ASTN2: variants seen among roughly 807,000 people sequenced by gnomAD.
ASTN2 encodes the protein astrotactin-2.
ASTN2 carries 54 observed loss-of-function variants against 139.8 expected under a neutral mutation model. The observed-to-expected ratio is 0.39, with a 90% CI of 0.31 to 0.48. ASTN2 has a LOEUF of 0.48. Ranked by LOEUF, ASTN2 falls within the 20% of genes least tolerant of loss-of-function variation. The probability of loss-of-function intolerance (pLI) is 0.95; values close to 1 mark genes in which losing one functional copy is unlikely to be tolerated. For missense variants in ASTN2, 1,565 were observed against 1,725.1 expected, an observed-to-expected ratio of 0.91 and a Z score of 1.64; for synonymous variants, 756 against 719.5, an observed-to-expected ratio of 1.05 and a Z score of -0.81.
At chr9:116,840,441 C>T (rs1832180966) in intron 11 of ASTN2, among the ~76,000 whole-genome samples, 1 of 149,912 alleles carries the variant, frequency 6.7e-6, no homozygotes, top group Non-Finnish European at 1.5e-5. Context: ...CCTCACTTCC[C>T]AGTAGGCGCG....
intron 3 of ASTN2, among the ~76,000 whole-genome samples, chr9:117,193,763 G>A (rs1427995740): frequency 6.6e-6 from 1 of 151,510 alleles, no homozygotes. Context: ...TCTTGCTTTT[G>A]TTAAAACAAT....
intron 10 of ASTN2, among the ~76,000 whole-genome samples, chr9:116,917,561 T>C (rs1254317076): frequency 6.6e-6 from 1 of 152,220 alleles, no homozygotes; most frequent in Non-Finnish European, 1.5e-5. Flanking sequence ...TTTTTCCTCA[T>C]AACTTGTTAG....
At chr9:117,291,299 C>A in intron 2 of ASTN2, 27 bp downstream of exon 2, 1 of 1,612,924 alleles carries the variant, frequency 6.2e-7, no homozygotes, top group South Asian at 1.1e-5. Context: ...CAATCCCCGA[C>A]CCCGGTCACA....
At chr9:117,155,665 T>C (rs1000813922) in intron 3 of ASTN2, among the ~76,000 whole-genome samples, 2 of 152,052 alleles carry the variant, frequency 1.3e-5, no homozygotes, top group Admixed American at 6.6e-5. Context: ...CTTCTCTGAG[T>C]ATCCTCCTCC....
chr9:117,128,657 T>C (rs1489067114), intron 4 of ASTN2, among the ~76,000 whole-genome samples: 1 of 152,222 alleles, frequency 6.6e-6, no homozygotes, highest in African/African-American at 2.4e-5. Context: ...AACTCCTCCA[T>C]AGTTAGCTTG....
intron 20 of ASTN2, among the ~76,000 whole-genome samples, chr9:116,457,001 G>C (rs1315224018): frequency 6.6e-6 from 1 of 152,060 alleles, no homozygotes; most frequent in African/African-American, 2.4e-5. Flanking sequence ...CATAAAAACA[G>C]ACACATATAT....
intron 19 of ASTN2, among the ~76,000 whole-genome samples, chr9:116,562,735 A>T (rs1477531488): frequency 5.3e-4 from 5 of 9,356 alleles, no homozygotes; most frequent in East Asian, 5.3e-3. Context: ...TGCCTCATTA[A>T]AAAAAAAAAA....
In ASTN2 at chr9:116,703,364, A is replaced by G. The variant is rs571498206; in HGVS notation, c.2806+22407T>C. On this transcript the variant is annotated intron_variant, in intron 16 of 22. Coordinates refer to ENST00000313400, the MANE Select transcript of ASTN2 (RefSeq NM_001365068.1). ...TTGTAAATTTGTTTGAGTTCATTGCAGATTCTGGATATTAGCCCTTTGTCA... is the reference window on the plus strand; with the variant it reads ...TTGTAAATTTGTTTGAGTTCATTGCGGATTCTGGATATTAGCCCTTTGTCA... 7.3e-5 allele frequency among the ~76,000 whole-genome samples: 11 copies of G among 151,312 alleles called. No individual in the cohort carries two copies. In the East Asian group the frequency reaches 1.9e-3, roughly 27 times the overall value.
intron 19 of ASTN2, among the ~76,000 whole-genome samples, chr9:116,522,660 T>C (rs1168767614): frequency 6.6e-6 from 1 of 152,090 alleles, no homozygotes; most frequent in Non-Finnish European, 1.5e-5. Context: ...TAAAACGTAC[T>C]GAAGTAAAAA....
intron 22 of ASTN2, among the ~76,000 whole-genome samples, chr9:116,439,170 ATGT>A (rs1013814174): frequency 7.3e-6 from 1 of 137,862 alleles, no homozygotes; most frequent in African/African-American, 2.6e-5. Flanking sequence ...TTACAAGATG[ATGT>A]TGTGTTTTCT....
intron 10 of ASTN2, among the ~76,000 whole-genome samples, chr9:116,949,018 G>A (rs1835484784): frequency 6.6e-6 from 1 of 151,682 alleles, no homozygotes; most frequent in Admixed American, 6.6e-5. Flanking sequence ...CTCGAACTCT[G>A]GACCTGGTGA....
At chr9:116,927,822 TGTGA>T (rs1233489277) in intron 10 of ASTN2, among the ~76,000 whole-genome samples, 1 of 152,218 alleles carries the variant, frequency 6.6e-6, no homozygotes, top group Non-Finnish European at 1.5e-5. Flanking sequence ...TCTTGGAATA[TGTGA>T]GTAAGTGACT....
intron 1 of ASTN2, among the ~76,000 whole-genome samples, chr9:117,367,187 T>C (rs995426784): frequency 9.2e-5 from 14 of 152,276 alleles, no homozygotes; most frequent in Non-Finnish European, 2.1e-4. Context: ...GTGGCAACAA[T>C]AGTCAACAGA....
Position 116,831,243 on chromosome 9 carries a change from C to T in ASTN2, c.2041-10460G>A, listed in dbSNP as rs186477857. On this transcript the variant is annotated intron_variant, in intron 11 of 22. Transcript: ENST00000313400. ...GAGTATGAGGGTTGACAAAGTACTA[C>T]TGATTGGGTACAACGTTCACTATTC... Among the ~76,000 whole-genome samples, 9 of 151,066 alleles carry T rather than the reference C, an allele frequency of 6.0e-5. No homozygotes were observed. In the South Asian group the frequency reaches 1.0e-3, roughly 18 times the overall value.
At chr9:117,313,238 A>G (rs1452989631) in intron 1 of ASTN2, among the ~76,000 whole-genome samples, 1 of 152,196 alleles carries the variant, frequency 6.6e-6, no homozygotes, top group Non-Finnish European at 1.5e-5. Context: ...GGTGCTTCTG[A>G]CAGATTCTCA....
At chr9:116,821,062 C>T (rs758403751) in intron 11 of ASTN2, among the ~76,000 whole-genome samples, 14 of 152,158 alleles carry the variant, frequency 9.2e-5, no homozygotes, top group Admixed American at 1.3e-4. Context: ...AACACTGGCT[C>T]ACACGGCAAC....
At chr9:117,295,650 T>G (rs1157127352) in intron 1 of ASTN2, among the ~76,000 whole-genome samples, 5 of 152,002 alleles carry the variant, frequency 3.3e-5, no homozygotes, top group African/African-American at 1.2e-4. Context: ...TACATATATT[T>G]CAGTGACTCA....
intron 4 of ASTN2, among the ~76,000 whole-genome samples, chr9:117,127,780 A>C (rs1479801892): frequency 7.2e-6 from 1 of 138,340 alleles, no homozygotes; most frequent in Non-Finnish European, 1.5e-5. Context: ...TCCCGGGTTC[A>C]CGCCATTCTC....
chr9:117,003,947 C>T (rs1043317702), intron 7 of ASTN2, among the ~76,000 whole-genome samples: 3 of 130,536 alleles, frequency 2.3e-5, no homozygotes, highest in East Asian at 2.4e-4. Context: ...TTCACGCGCG[C>T]GCGCGCGTGT....
Sources: allele counts gnomAD v4.1 joint callset (sites outside exome capture counted in the v4.1 genomes callset), GRCh38; gene constraint gnomAD v4.1.1; transcripts MANE v1.5; gene names NCBI Gene and HGNC (gene_info 2026-07-23, HGNC 2026-07-21).